Variants in DOCK3 observed in about 807,000 individuals in gnomAD.
DOCK3 encodes the protein dedicator of cytokinesis 3, also known as dedicator of cytokinesis protein 3.
In DOCK3, 60 loss-of-function variants were observed where a neutral mutation model predicts 265.6. The observed-to-expected ratio is 0.23, with a 90% confidence interval of 0.18 to 0.28. The LOEUF (loss-of-function observed/expected upper bound fraction) is 0.28. DOCK3 is among the 10% of genes least tolerant of loss of function. The pLI is 1.00. For missense variants in DOCK3, 1,981 were observed against 2,594.3 expected, an observed-to-expected ratio of 0.76 and a Z score of 5.14; for synonymous variants, 881 against 938.0, an observed-to-expected ratio of 0.94 and a Z score of 1.11.
chr3:50,705,207 T>C (rs2036325157), intron 1 of DOCK3, among the ~76,000 whole-genome samples: 1 of 152,088 alleles, frequency 6.6e-6, no homozygotes, highest in East Asian at 1.9e-4. Context: ...CATGATGGTA[T>C]GTATCACCTT....
At chr3:50,709,862 G>A (rs908991156) in intron 1 of DOCK3, among the ~76,000 whole-genome samples, 2 of 152,068 alleles carry the variant, frequency 1.3e-5, no homozygotes, top group Admixed American at 6.6e-5. Flanking sequence ...ATCAGGTCAA[G>A]GAAGTTCAAT....
intron 1 of DOCK3, among the ~76,000 whole-genome samples, chr3:50,733,663 T>G (rs1231986090): frequency 1.3e-5 from 2 of 152,224 alleles, no homozygotes; most frequent in African/African-American, 4.8e-5. Flanking sequence ...GATCATGCTT[T>G]TAAAATCCAT....
chr3:51,070,060 T>C (rs191199760), intron 6 of DOCK3, among the ~76,000 whole-genome samples: 5 of 152,324 alleles, frequency 3.3e-5, no homozygotes, highest in Non-Finnish European at 7.4e-5. Flanking sequence ...TCCTGTCAAG[T>C]TTATGTTCAA....
chr3:50,890,201 A>G, intron 4 of DOCK3, 120 bp downstream of exon 4: 1 of 697,384 alleles, frequency 1.4e-6, no homozygotes, highest in South Asian at 2.9e-5. Flanking sequence ...GCAAAAATGT[A>G]CATGCTTTAT....
intron 27 of DOCK3, among the ~76,000 whole-genome samples, chr3:51,306,548 A>G (rs1029480543): frequency 6.6e-6 from 1 of 152,002 alleles, no homozygotes. Flanking sequence ...TTATACCCTT[A>G]ATGATGCCCC....
intron 12 of DOCK3, among the ~76,000 whole-genome samples, chr3:51,185,199 C>T (rs2087524737): frequency 6.6e-6 from 1 of 152,038 alleles, no homozygotes; most frequent in Admixed American, 6.5e-5. Flanking sequence ...AAAGTATGGA[C>T]TTAACTAATA....
intron 49 of DOCK3, among the ~76,000 whole-genome samples, chr3:51,363,601 A>C (rs1461834603): frequency 6.6e-6 from 1 of 152,162 alleles, no homozygotes; most frequent in Admixed American, 6.5e-5. Context: ...CTCGTCATTT[A>C]CATTAGGTAT....
At chr3:50,731,174 C>A (rs2038188393) in intron 1 of DOCK3, among the ~76,000 whole-genome samples, 1 of 151,554 alleles carries the variant, frequency 6.6e-6, no homozygotes, top group South Asian at 2.1e-4. Context: ...GATGTAGAAT[C>A]CCCTTAATAT....
At chr3:50,842,643 C>T (rs2045895727) in intron 3 of DOCK3, among the ~76,000 whole-genome samples, 1 of 151,890 alleles carries the variant, frequency 6.6e-6, no homozygotes, top group South Asian at 2.1e-4. Flanking sequence ...TGCCAGCAAC[C>T]CTCTGTCCCT....
Position 50,769,464 on chromosome 3 carries a change from C to T in DOCK3, c.38-9211C>T, listed in dbSNP as rs745937203. Among the ~76,000 whole-genome samples, 3 of 152,062 alleles carry T rather than the reference C, an allele frequency of 2.0e-5. No homozygotes were observed. In the South Asian group the frequency reaches 6.2e-4, roughly 32 times the overall value. On this transcript the variant is annotated intron_variant, in intron 1 of 52. Transcript: ENST00000266037. ...GGAAAAGCTAAAAGCTTTTCCTTTA[C>T]AATATGGACCTAGATGAAGATGCCC...
At chr3:51,222,963 A>G (rs929367396) in intron 14 of DOCK3, among the ~76,000 whole-genome samples, 4 of 152,146 alleles carry the variant, frequency 2.6e-5, no homozygotes, top group African/African-American at 7.2e-5. Flanking sequence ...TTAAAAGACA[A>G]TGTCTCACTC....
At chr3:50,719,653 C>T in intron 1 of DOCK3, 1 of 1,571,220 alleles carries the variant, frequency 6.4e-7, no homozygotes, top group Non-Finnish European at 8.7e-7. Flanking sequence ...AACTGGGAAC[C>T]ATTTGTGTTG....
chr3:50,951,066 CCTCT>C (rs2076577726), intron 5 of DOCK3, among the ~76,000 whole-genome samples: 1 of 151,918 alleles, frequency 6.6e-6, no homozygotes, highest in South Asian at 2.1e-4. Flanking sequence ...GGTTTTCTTC[CCTCT>C]ATTAAGAAGT....
chr3:50,711,385 C>T (rs1364521852), intron 1 of DOCK3, among the ~76,000 whole-genome samples: 3 of 151,870 alleles, frequency 2.0e-5, no homozygotes, highest in African/African-American at 7.2e-5. Flanking sequence ...CCTCAGCCTC[C>T]CGAGTAGCTG....
At chr3:51,076,152 C>G (rs1237567901) in intron 7 of DOCK3, among the ~76,000 whole-genome samples, 2 of 152,114 alleles carry the variant, frequency 1.3e-5, no homozygotes, top group African/African-American at 2.4e-5. Flanking sequence ...GGACAAGGAC[C>G]TAAGGAAATT....
intron 22 of DOCK3, among the ~76,000 whole-genome samples, chr3:51,254,086 C>T (rs932846863): frequency 3.9e-5 from 6 of 152,120 alleles, no homozygotes; most frequent in Admixed American, 2.0e-4. Context: ...TCATTGGTTT[C>T]GAAGAACATC....
At chr3:51,249,835 G>T (rs1182775772) in intron 22 of DOCK3, among the ~76,000 whole-genome samples, 1,763 of 146,960 alleles carry the variant, frequency 0.012, 37 homozygotes, top group African/African-American at 0.041. Context: ...AATAGAAAGG[G>T]GGGAAAGGTG....
At chr3:51,201,802 C>G (rs1026101151) in intron 12 of DOCK3, among the ~76,000 whole-genome samples, 1 of 152,096 alleles carries the variant, frequency 6.6e-6, no homozygotes, top group African/African-American at 2.4e-5. Context: ...TGTAAAAGAA[C>G]AGAAATTATA....
At chr3:51,249,006 G>A (rs1171303565) in intron 22 of DOCK3, among the ~76,000 whole-genome samples, 7 of 146,486 alleles carry the variant, frequency 4.8e-5, no homozygotes, top group South Asian at 2.2e-4. Flanking sequence ...CAGCCGCCCC[G>A]TCTGAGAAGT....
Sources: allele counts gnomAD v4.1 joint callset (sites outside exome capture counted in the v4.1 genomes callset), GRCh38; gene constraint gnomAD v4.1.1; transcripts MANE v1.5; gene names NCBI Gene and HGNC (gene_info 2026-07-23, HGNC 2026-07-21).